CALD1: variants seen among roughly 807,000 people sequenced by gnomAD.
CALD1 encodes the protein caldesmon.
CALD1 carries 33 observed loss-of-function variants against 99.9 expected under a neutral mutation model. That is an observed-to-expected ratio of 0.33 (90% CI 0.25 to 0.44). The LOEUF (loss-of-function observed/expected upper bound fraction) is 0.44. Ranked by LOEUF, CALD1 falls within the 20% of genes least tolerant of loss-of-function variation. The pLI, the probability that CALD1 is intolerant of heterozygous loss-of-function variation, is 1.00. For missense variants in CALD1, 861 were observed against 962.1 expected (o/e 0.89, Z 1.39); for synonymous variants, 310 against 325.0 (o/e 0.95, Z 0.50).
chr7:134,712,884 G>C, the CALD1 span, among the ~76,000 whole-genome samples: 1 of 152,154 alleles, frequency 6.6e-6, no homozygotes, highest in Non-Finnish European at 1.5e-5. Flanking sequence ...AAATCCAAGA[G>C]GAAAACATGC....
intron 6 of CALD1, among the ~76,000 whole-genome samples, chr7:134,938,737 AT>A (rs1806191986): frequency 6.6e-6 from 1 of 152,212 alleles, no homozygotes; most frequent in South Asian, 2.1e-4. Flanking sequence ...TCATTATTAC[AT>A]TGACAAGGTT....
chr7:134,773,562 G>A (rs1057382175), intron 1 of CALD1, among the ~76,000 whole-genome samples: 1 of 152,124 alleles, frequency 6.6e-6, no homozygotes, highest in Admixed American at 6.5e-5. Context: ...ACCGTGCCCA[G>A]TTGATTTTTC....
At chr7:134,966,638 A>G (rs143154383) in intron 14 of CALD1, among the ~76,000 whole-genome samples, 2 of 152,310 alleles carry the variant, frequency 1.3e-5, no homozygotes, top group East Asian at 3.9e-4. Context: ...GCCTGCATTG[A>G]TACTCCAGCA....
the CALD1 span, among the ~76,000 whole-genome samples, chr7:134,725,166 G>A: frequency 6.6e-6 from 1 of 152,140 alleles, no homozygotes; most frequent in Non-Finnish European, 1.5e-5. Flanking sequence ...CCACAGCCCT[G>A]GCCTGAGTAC....
rs1460375624 is a variant in CALD1 at position 134,783,210 on chromosome 7, T to A, written c.-130+3461T>A. Among the ~76,000 whole-genome samples, 1 of 152,142 alleles carries A rather than the reference T, an allele frequency of 6.6e-6. No homozygotes were observed. The highest frequency in any genetic ancestry group is 2.4e-5 in the African/African-American group (1 of 41,414). On this transcript the variant is annotated intron_variant, in intron 1 of 14. Coordinates refer to ENST00000361675, the MANE Select transcript of CALD1 (RefSeq NM_033138.4). The surrounding 1 kb of genome is among the most constrained non-coding windows in gnomAD (Gnocchi z 4.3). ...TTGAAACCAGACTGCTCCACGGAGC[T>A]CGCCTCTCACCTCTTTGCTTCTGTC...
chr7:134,947,652 G>T lies in CALD1; in HGVS notation c.1677G>T (p.Gln559His). Residue 559 changes from glutamine to histidine, a missense_variant, in exon 8 of 15, where the codon CAG becomes CAT. By Grantham distance (24) the Gln-to-His change is conservative. Transcript: ENST00000361675. ...TCGAGAAGCTCAAACAGAAGCAGCA[G>T]GAGGCGGCTTTGGAGCTGGAGGAAC... ...EEFEKLKQKQ[Q>H]EAALELEELK... 1.3e-6 allele frequency: 2 copies of T among 1,582,850 alleles called. No homozygotes were observed. Among genetic ancestry groups the T allele is most frequent in the East Asian group, 4.6e-5 (2 of 43,242 alleles).
chr7:134,811,894 T>G (rs1190930869), intron 1 of CALD1, among the ~76,000 whole-genome samples: 2 of 152,140 alleles, frequency 1.3e-5, no homozygotes. Context: ...TATTTTTTTT[T>G]CCTGGAGTCA....
intron 1 of CALD1, among the ~76,000 whole-genome samples, chr7:134,792,002 TCTC>T (rs1797553920): frequency 6.6e-6 from 1 of 152,228 alleles, no homozygotes; most frequent in Non-Finnish European, 1.5e-5. Context: ...GATTCAGTTA[TCTC>T]CACCTGGCCC....
At chr7:134,879,235 C>T (rs1196991231) in intron 3 of CALD1, among the ~76,000 whole-genome samples, 3 of 152,168 alleles carry the variant, frequency 2.0e-5, no homozygotes, top group Non-Finnish European at 4.4e-5. Context: ...GCATGTTGGA[C>T]CAATGTGGTG....
intron 3 of CALD1, among the ~76,000 whole-genome samples, chr7:134,869,603 A>T (rs1800968442): frequency 6.6e-6 from 1 of 152,228 alleles, no homozygotes; most frequent in Non-Finnish European, 1.5e-5. Context: ...CTGGAAGGAA[A>T]GTCTCTGCTT....
chr7:134,870,060 A>G (rs1800994579), intron 3 of CALD1, among the ~76,000 whole-genome samples: 1 of 152,202 alleles, frequency 6.6e-6, no homozygotes, highest in Non-Finnish European at 1.5e-5. Context: ...TCTACAAAAT[A>G]TCTTCATCCA....
rs183324531 is a variant in CALD1 at position 134,920,776 on chromosome 7, T to G, written c.72-7978T>G. ...CTTCAATAGCATTCATTCTGTCAGATAGTGAGTTTATTTGATCTGTTGGAA... is the reference window on the plus strand; with the variant it reads ...CTTCAATAGCATTCATTCTGTCAGAGAGTGAGTTTATTTGATCTGTTGGAA... On this transcript the variant is annotated intron_variant, in intron 3 of 14. Coordinates refer to ENST00000361675, the MANE Select transcript of CALD1 (RefSeq NM_033138.4). The G allele has an allele frequency of 2.8e-4, 245 of 869,532 alleles. No individual in the cohort carries two copies. The African/African-American group carries it at 3.1e-3, about 11-fold the overall frequency. 53.9% of individuals were successfully genotyped at this position (869,532 alleles called of 1,614,324 possible). A position where few individuals can be genotyped will look rare whatever the true frequency, so the allele number is the denominator to read the frequency against.
intron 1 of CALD1, among the ~76,000 whole-genome samples, chr7:134,820,392 T>C (rs1209993603): frequency 2.0e-5 from 3 of 152,314 alleles, no homozygotes; most frequent in African/African-American, 7.2e-5. Context: ...AAATCTGTCA[T>C]GGGTAGAAGT....
intron 3 of CALD1, chr7:134,891,432 C>T: frequency 7.7e-7 from 1 of 1,303,480 alleles, no homozygotes; most frequent in Non-Finnish European, 9.8e-7. Flanking sequence ...TGGCTGAGGA[C>T]AAGCCCAGAC....
At chr7:134,936,573 G>C (rs1463361423) in intron 6 of CALD1, among the ~76,000 whole-genome samples, 1 of 152,198 alleles carries the variant, frequency 6.6e-6, no homozygotes, top group African/African-American at 2.4e-5. Context: ...CTGGTGAAGT[G>C]ATTTGTAGCC....
chr7:134,915,175 C>T (rs895989951), intron 3 of CALD1, among the ~76,000 whole-genome samples: 4 of 152,228 alleles, frequency 2.6e-5, no homozygotes, highest in African/African-American at 4.8e-5. Context: ...CCTAGGCCCC[C>T]ATGCCTCCTC....
intron 3 of CALD1, among the ~76,000 whole-genome samples, chr7:134,903,893 T>C (rs1458280045): frequency 1.3e-5 from 2 of 152,028 alleles, no homozygotes; most frequent in African/African-American, 4.8e-5. Flanking sequence ...GATTTAAAAA[T>C]TGTAATGTGC....
At chr7:134,887,802 GTGTA>G (rs982520714) in intron 3 of CALD1, among the ~76,000 whole-genome samples, 35 of 141,864 alleles carry the variant, frequency 2.5e-4, no homozygotes, top group Admixed American at 1.6e-3. Flanking sequence ...GTGTGCGCAT[GTGTA>G]TGTGTGTGCA....
chr7:134,711,660 C>CTCTCTATA, the CALD1 span, among the ~76,000 whole-genome samples: 133 of 78,248 alleles, frequency 1.7e-3, 3 homozygotes, highest in African/African-American at 7.1e-3. Context: ...CTCTCTCTCT[C>CTCTCTATA]TATATATATA....
Sources: allele counts gnomAD v4.1 joint callset (sites outside exome capture counted in the v4.1 genomes callset), GRCh38; gene constraint gnomAD v4.1.1; non-coding constraint Gnocchi (gnomAD v3.1); transcripts MANE v1.5; gene names NCBI Gene and HGNC (gene_info 2026-07-23, HGNC 2026-07-21).